TBC1D4: variants seen among roughly 807,000 people sequenced by gnomAD.
The protein encoded by TBC1D4 is TBC (Tre-2, BUB2, CDC16) domain-containing protein.
Under a neutral mutation model 142.5 loss-of-function variants are expected in TBC1D4, and 121 were observed. That is an observed-to-expected ratio of 0.85 (90% CI 0.73 to 0.99). The LOEUF is 0.99. Ranked by LOEUF, TBC1D4 falls within the 50% of genes least tolerant of loss-of-function variation. The pLI, the probability that TBC1D4 is intolerant of heterozygous loss-of-function variation, is 0.00. For missense variants in TBC1D4, 1,475 were observed against 1,606.6 expected, an observed-to-expected ratio of 0.92 and a Z score of 1.40; for synonymous variants, 630 against 628.2, an observed-to-expected ratio of 1.00 and a Z score of -0.04.
At chr13:75,377,052 C>T (rs539989583) in intron 1 of TBC1D4, among the ~76,000 whole-genome samples, 30 of 152,326 alleles carry the variant, frequency 2.0e-4, no homozygotes, top group African/African-American at 6.7e-4. Flanking sequence ...ATAAACAGTA[C>T]ATATTAGCCA....
intron 11 of TBC1D4, 140 bp from the exon 12 acceptor site, chr13:75,320,177 T>C (rs1425265525): frequency 2.3e-6 from 2 of 860,970 alleles, no homozygotes; most frequent in South Asian, 1.6e-5. Context: ...TGAATAATTA[T>C]ACCTTTTTTT....
chr13:75,321,837 T>C (rs1440169754), intron 11 of TBC1D4, among the ~76,000 whole-genome samples: 1 of 152,132 alleles, frequency 6.6e-6, no homozygotes, highest in African/African-American at 2.4e-5. Flanking sequence ...ATATATTAAA[T>C]GGAATACTAA....
intron 1 of TBC1D4, among the ~76,000 whole-genome samples, chr13:75,445,848 G>C (rs141161235): frequency 2.0e-5 from 3 of 152,176 alleles, no homozygotes; most frequent in Admixed American, 6.5e-5. Flanking sequence ...GATGATTGCC[G>C]ATTCAACAAG....
At chr13:75,421,341 C>T (rs571110223) in intron 1 of TBC1D4, among the ~76,000 whole-genome samples, 1 of 152,332 alleles carries the variant, frequency 6.6e-6, no homozygotes, top group African/African-American at 2.4e-5. Flanking sequence ...ATCCCCCTAA[C>T]TCCCTAACTG....
chr13:75,286,558 T>G lies in TBC1D4; in HGVS notation c.*234A>C, dbSNP rs1049671020. On this transcript the variant is annotated 3_prime_UTR_variant, in exon 21 of 21. Transcript: ENST00000377636. ...CTGAAAGCATGAACTATGTTCATTT[T>G]ATATATATATTTATATGTACATAGC... 2.4e-6 allele frequency: 1 copy of G among 415,816 alleles called. No individual in the cohort carries two copies. The highest frequency in any genetic ancestry group is 4.9e-5 in the South Asian group (1 of 20,474). 25.8% of individuals were successfully genotyped at this position (415,816 alleles called of 1,614,324 possible).
In TBC1D4 at chr13:75,469,241, C is replaced by T. The variant is rs534433773; in HGVS notation, c.498+12029G>A. On this transcript the variant is annotated intron_variant, in intron 1 of 20. Transcript: ENST00000377636. Reference sequence around the variant, plus strand: ...CTTCAAGAAGACACCCGGAGATGAACGGGGCGGAGTCACACACGATCACAT... The same window carrying T: ...CTTCAAGAAGACACCCGGAGATGAATGGGGCGGAGTCACACACGATCACAT... 8.5e-5 allele frequency among the ~76,000 whole-genome samples: 13 copies of T among 152,186 alleles called. No individual in the cohort carries two copies. In the South Asian group the frequency reaches 1.0e-3, roughly 12 times the overall value.
chr13:75,327,919 G>T, intron 8 of TBC1D4, 93 bp from the exon 9 acceptor site: 1 of 1,233,482 alleles, frequency 8.1e-7, no homozygotes, highest in Non-Finnish European at 1.2e-6. Flanking sequence ...CTTAATGTTA[G>T]CATTAAATTG....
rs1876711220 is a variant in TBC1D4 at position 75,302,777 on chromosome 13, A to C, written c.2753-376T>G. ...CACTTTATAGACAGAAAGCTGAGGC[A>C]GAAAGAGATGAAGTAATTGCCCCAA... On this transcript the variant is annotated intron_variant, in intron 15 of 20. Transcript: ENST00000377636. 1.5e-5 allele frequency: 4 copies of C among 271,560 alleles called. No individual in the cohort carries two copies. In the South Asian group the frequency reaches 1.8e-4, roughly 12 times the overall value. 16.8% of individuals were successfully genotyped at this position (271,560 alleles called of 1,614,324 possible). A position where few individuals can be genotyped will look rare whatever the true frequency, so the allele number is the denominator to read the frequency against.
intron 4 of TBC1D4, among the ~76,000 whole-genome samples, chr13:75,352,991 A>G (rs1881735975): frequency 6.6e-6 from 1 of 152,174 alleles, no homozygotes; most frequent in Non-Finnish European, 1.5e-5. Flanking sequence ...TTGCAGTTCT[A>G]TTGCCTCACT....
intron 1 of TBC1D4, among the ~76,000 whole-genome samples, chr13:75,463,275 A>G (rs1888044553): frequency 6.6e-6 from 1 of 152,144 alleles, no homozygotes; most frequent in Admixed American, 6.5e-5. Flanking sequence ...GTACTGTGGC[A>G]AATCCTAAGG....
intron 1 of TBC1D4, among the ~76,000 whole-genome samples, chr13:75,376,556 T>C (rs1203229452): frequency 1.3e-5 from 2 of 152,126 alleles, no homozygotes; most frequent in African/African-American, 4.8e-5. Flanking sequence ...TTTTGTATTT[T>C]TAGTAGAGAC....
At chr13:75,378,885 T>C (rs570765698) in intron 1 of TBC1D4, among the ~76,000 whole-genome samples, 2 of 152,272 alleles carry the variant, frequency 1.3e-5, no homozygotes, top group East Asian at 3.9e-4. Flanking sequence ...GAACTTAGAA[T>C]CTAGAATTTC....
chr13:75,289,380 T>G (rs1455869606), intron 19 of TBC1D4, among the ~76,000 whole-genome samples: 1 of 152,058 alleles, frequency 6.6e-6, no homozygotes, highest in African/African-American at 2.4e-5. Context: ...ATTGAAACAT[T>G]CTCATGAAGC....
chr13:75,347,504 CT>C (rs1881244467), intron 5 of TBC1D4, among the ~76,000 whole-genome samples: 1 of 152,106 alleles, frequency 6.6e-6, no homozygotes, highest in Admixed American at 6.5e-5. Flanking sequence ...TCTGATTGTT[CT>C]TGCATTTCTG....
At chr13:75,319,317 T>C (rs1878561976) in intron 12 of TBC1D4, among the ~76,000 whole-genome samples, 1 of 152,208 alleles carries the variant, frequency 6.6e-6, no homozygotes, top group South Asian at 2.1e-4. Flanking sequence ...TGTATCTTTT[T>C]CACTGGGCTC....
intron 12 of TBC1D4, among the ~76,000 whole-genome samples, chr13:75,319,234 C>T (rs558953592): frequency 2.1e-4 from 32 of 152,162 alleles, no homozygotes; most frequent in South Asian, 2.1e-4. Context: ...CAGTCTAGTG[C>T]GATACTTAAT....
chr13:75,336,842 A>C, intron 8 of TBC1D4, 79 bp downstream of exon 8: 25 of 1,500,140 alleles, frequency 1.7e-5, no homozygotes, highest in Non-Finnish European at 2.3e-5. Context: ...TAAGGAAATC[A>C]GTGAGCCTGT....
At chr13:75,439,915 C>A (rs1004537290) in intron 1 of TBC1D4, among the ~76,000 whole-genome samples, 1 of 152,042 alleles carries the variant, frequency 6.6e-6, no homozygotes, top group African/African-American at 2.4e-5. Flanking sequence ...ATATTCCAAA[C>A]AACTTAAAAT....
chr13:75,352,721 CAG>C (rs1881706192), intron 4 of TBC1D4, among the ~76,000 whole-genome samples: 1 of 152,084 alleles, frequency 6.6e-6, no homozygotes, highest in Non-Finnish European at 1.5e-5. Flanking sequence ...CCAGGCCCGT[CAG>C]AACACTATAC....
Sources: allele counts gnomAD v4.1 joint callset (sites outside exome capture counted in the v4.1 genomes callset), GRCh38; gene constraint gnomAD v4.1.1; transcripts MANE v1.5; gene names NCBI Gene and HGNC (gene_info 2026-07-23, HGNC 2026-07-21).